The following ANKRD45 variants were observed in gnomAD, a reference collection of about 807,000 sequenced individuals.
ANKRD45 encodes ankyrin repeat domain-containing protein 45.
ANKRD45 carries 21 observed loss-of-function variants against 28.1 expected under a neutral mutation model. That is an observed-to-expected ratio of 0.75 (90% CI 0.53 to 1.08). The LOEUF (loss-of-function observed/expected upper bound fraction) is 1.08. Among genes scored for constraint, ANKRD45 ranks in the 50% least tolerant of loss-of-function variants. ANKRD45 has a pLI of 0.00. For missense variants in ANKRD45, 261 were observed against 308.7 expected, an observed-to-expected ratio of 0.85 and a Z score of 1.16; for synonymous variants, 86 against 103.9, an observed-to-expected ratio of 0.83 and a Z score of 1.05.
intron 3 of ANKRD45, chr1:173,635,422 C>T (rs1558128111): frequency 8.5e-6 from 8 of 937,832 alleles, no homozygotes; most frequent in Non-Finnish European, 1.2e-5. Flanking sequence ...TTCTGCTTCC[C>T]TTCGTAGGGA....
chr1:173,656,441 A>G (rs182229812), intron 2 of ANKRD45, among the ~76,000 whole-genome samples: 435 of 152,352 alleles, frequency 2.9e-3, no homozygotes, highest in Middle Eastern at 0.027. Flanking sequence ...ATTTAAGTCT[A>G]TGTACCTATG....
At chr1:173,695,768 G>A in the ANKRD45 span, among the ~76,000 whole-genome samples, 1 of 152,240 alleles carries the variant, frequency 6.6e-6, no homozygotes, top group African/African-American at 2.4e-5. Flanking sequence ...GGTCCTTTGA[G>A]AAGTCTCCAA....
chr1:173,708,526 T>C, the ANKRD45 span, among the ~76,000 whole-genome samples: 1 of 152,206 alleles, frequency 6.6e-6, no homozygotes, highest in Non-Finnish European at 1.5e-5. Context: ...TCCAGAACTA[T>C]GGGAAAATAA....
chr1:173,672,040 CTCT>C (rs1558153086), upstream of ANKRD45, among the ~76,000 whole-genome samples: 3 of 152,148 alleles, frequency 2.0e-5, no homozygotes, highest in Admixed American at 6.5e-5. Context: ...TTGCCTCGGT[CTCT>C]TCTTCTGCCT....
At chr1:173,688,598 G>C in the ANKRD45 span, among the ~76,000 whole-genome samples, 46 of 110,974 alleles carry the variant, frequency 4.1e-4, no homozygotes, top group African/African-American at 6.3e-4. Flanking sequence ...CTCTCTCTCT[G>C]CCTCTTCCTC....
chr1:173,693,127 C>T, the ANKRD45 span, among the ~76,000 whole-genome samples: 1 of 152,030 alleles, frequency 6.6e-6, no homozygotes. Context: ...TGGTGAAACT[C>T]CATCTCTACT....
Position 173,624,874 on chromosome 1 carries a change from T to A in ANKRD45, c.643A>T (p.Thr215Ser). The A allele has an allele frequency of 6.2e-7, 1 of 1,613,772 alleles. No individual in the cohort carries two copies. Among genetic ancestry groups the A allele is most frequent in the Non-Finnish European group, 8.5e-7 (1 of 1,179,750 alleles). ...AAAAGCTCATTAATGGAAGCTTCTG[T>A]ATGGGTTTCCAACCACTCATTTTTT... ...RAKNEWLETH[T>S]EASINELFEQ... Residue 215 changes from threonine (T) to serine (S), a missense_variant, in exon 5 of 6, where the codon ACA becomes TCA. Physicochemically the swap from Thr to Ser is moderately conservative, Grantham distance 58. Coordinates refer to ENST00000333279, the MANE Select transcript of ANKRD45 (RefSeq NM_198493.3).
chr1:173,654,019 T>A (rs1430385360), intron 2 of ANKRD45, among the ~76,000 whole-genome samples: 2 of 151,292 alleles, frequency 1.3e-5, no homozygotes, highest in Admixed American at 1.3e-4. Flanking sequence ...GAGATGGGTC[T>A]CCTGAGTACA....
intron 5 of ANKRD45, among the ~76,000 whole-genome samples, chr1:173,612,332 G>GAAGGAAGGAAGGAAGA (rs1334405915): frequency 6.1e-5 from 9 of 148,546 alleles, no homozygotes; most frequent in African/African-American, 2.3e-4. Flanking sequence ...AGGAAGGAAG[G>GAAGGAAGGAAGGAAGA]AAGGAAGGAA....
chr1:173,706,446 C>A, the ANKRD45 span, among the ~76,000 whole-genome samples: 3 of 151,834 alleles, frequency 2.0e-5, no homozygotes, highest in African/African-American at 7.3e-5. Context: ...TCAAGCAATT[C>A]TCCTGCCTCA....
rs1453970762 is a variant in ANKRD45, at chr1:173,608,711, C to T, written c.*1434G>A. 6.7e-6 allele frequency among the ~76,000 whole-genome samples: 1 copy of T among 150,204 alleles called. No individual in the cohort carries two copies. The highest frequency in any genetic ancestry group is 1.5e-5 in the Non-Finnish European group (1 of 67,746). ...ACAGTGAGCTATGATCATGATAACT[C>T]CACTGCATTCCAGCCTGGGCAGGAG... On this transcript the variant is annotated 3_prime_UTR_variant, in exon 6 of 6. Transcript: ENST00000333279.
chr1:173,623,023 CA>C (rs34623814), intron 5 of ANKRD45, among the ~76,000 whole-genome samples: 8 of 146,904 alleles, frequency 5.4e-5, no homozygotes, highest in Admixed American at 6.8e-5. Context: ...AGAAGACATT[CA>C]AAAAAAAAAG....
At chr1:173,620,489 A>C (rs777302469) in intron 5 of ANKRD45, among the ~76,000 whole-genome samples, 31 of 152,232 alleles carry the variant, frequency 2.0e-4, no homozygotes, top group Non-Finnish European at 4.4e-4. Context: ...AAATGCCCAC[A>C]TCAAAAAGCT....
rs1177743356 is a variant in ANKRD45 at position 173,666,824 on chromosome 1, C to T, written c.-16+2993G>A. ...CTGAAGTGCAGTGATGCCATCACGA[C>T]TCACTACAGCCTGAACTCCTGGGCT... On this transcript the variant is annotated intron_variant, in intron 1 of 5. Coordinates refer to ENST00000333279, the MANE Select transcript of ANKRD45 (RefSeq NM_198493.3). Among the ~76,000 whole-genome samples the T allele has an allele frequency of 2.0e-5, 3 of 152,094 alleles. No homozygotes were observed. In the East Asian group the frequency reaches 5.8e-4, roughly 29 times the overall value.
the ANKRD45 span, among the ~76,000 whole-genome samples, chr1:173,692,127 C>T: frequency 6.6e-6 from 1 of 152,004 alleles, no homozygotes; most frequent in Non-Finnish European, 1.5e-5. Context: ...AAAAAAGTTG[C>T]TTTACAAGGA....
intron 3 of ANKRD45, among the ~76,000 whole-genome samples, chr1:173,646,412 C>T (rs946398857): frequency 2.6e-5 from 4 of 152,112 alleles, no homozygotes; most frequent in Admixed American, 2.0e-4. Context: ...TTAATTTAGC[C>T]TAAATAAACC....
At chr1:173,619,725 G>C (rs953402799) in intron 5 of ANKRD45, among the ~76,000 whole-genome samples, 9 of 152,058 alleles carry the variant, frequency 5.9e-5, no homozygotes, top group Non-Finnish European at 8.8e-5. Context: ...CCACTCGGGA[G>C]GGGGAGGCAG....
chr1:173,691,350 C>T, the ANKRD45 span, among the ~76,000 whole-genome samples: 11 of 152,188 alleles, frequency 7.2e-5, no homozygotes, highest in East Asian at 7.7e-4. Flanking sequence ...CACCTCCTCA[C>T]GAGAGTGAAC....
intron 2 of ANKRD45, among the ~76,000 whole-genome samples, chr1:173,656,772 T>C (rs1344153255): frequency 6.6e-6 from 1 of 152,056 alleles, no homozygotes; most frequent in Non-Finnish European, 1.5e-5. Flanking sequence ...ATAACAAATA[T>C]CTTAGTCTTA....
Sources: allele counts gnomAD v4.1 joint callset (sites outside exome capture counted in the v4.1 genomes callset), GRCh38; gene constraint gnomAD v4.1.1; transcripts MANE v1.5; gene names NCBI Gene and HGNC (gene_info 2026-07-23, HGNC 2026-07-21).